Variants in FTO observed in about 807,000 individuals in gnomAD.
FTO encodes the protein FTO alpha-ketoglutarate dependent dioxygenase.
A neutral mutation model predicts 63.9 loss-of-function variants in FTO; 47 were observed. That is an observed-to-expected ratio of 0.74 (90% CI 0.58 to 0.94). The LOEUF is 0.94. Among genes scored for constraint, FTO ranks in the 40% least tolerant of loss-of-function variants. The pLI is 0.00. For synonymous variants in FTO, 207 were observed against 224.4 expected (o/e 0.92, Z 0.69); for missense variants, 562 against 618.1 (o/e 0.91, Z 0.96).
chr16:53,788,160 A>G (rs556829626), intron 1 of FTO, among the ~76,000 whole-genome samples: 2 of 152,338 alleles, frequency 1.3e-5, no homozygotes, highest in South Asian at 2.1e-4. Context: ...TCCTGAGTTT[A>G]GGAAATTATA....
In FTO at chr16:53,934,019, G is replaced by A; in HGVS notation, c.1274G>A (p.Gly425Glu). 1.9e-6 allele frequency: 3 copies of A among 1,613,904 alleles called. No individual in the cohort carries two copies. The highest frequency in any genetic ancestry group is 1.3e-5 in the African/African-American group (1 of 74,988). Residue 425 changes from glycine to glutamate, a missense_variant, in exon 8 of 9, where the codon GGG becomes GAG. By Grantham distance (98) the Gly-to-Glu change is moderately conservative. Transcript: ENST00000471389. ...GTGCTTCATGAAGTTAAAAGAGAGG[G>A]GCTCCCCGTGGAACAAAGGAATGAA... ...NAVLHEVKREGLPVEQRNEIL... is the reference protein window; with the variant it reads ...NAVLHEVKREELPVEQRNEIL...
chr16:53,936,482 A>G (rs781349118), intron 8 of FTO, among the ~76,000 whole-genome samples: 4 of 152,144 alleles, frequency 2.6e-5, no homozygotes, highest in Non-Finnish European at 5.9e-5. Context: ...TTTCCTCATC[A>G]AAGTGTCATC....
At chr16:53,866,243 T>A (rs900632225) in intron 4 of FTO, among the ~76,000 whole-genome samples, 1 of 152,202 alleles carries the variant, frequency 6.6e-6, no homozygotes. Context: ...CTGTGATAAA[T>A]CTCACTTGGT....
rs769012175 is a variant in FTO, at chr16:54,114,248, C to A, written c.*2333C>A. The A allele has an allele frequency of 6.6e-6, 1 of 152,122 alleles. No homozygotes were observed. The highest frequency in any genetic ancestry group is 2.1e-4 in the South Asian group (1 of 4,820). The allele number at this position is 152,122 out of a possible 1,614,324, so 9.4% of individuals were successfully genotyped here. A position where few individuals can be genotyped will look rare whatever the true frequency, so the allele number is the denominator to read the frequency against. On this transcript the variant is annotated 3_prime_UTR_variant, in exon 9 of 9. Transcript: ENST00000471389. ...GTTTGCCATACTCCCTCTTTTTCTC[C>A]GTTTTTTCATTAATTGTGAACCTGA...
At chr16:53,737,199 G>A (rs1389610951) in intron 1 of FTO, among the ~76,000 whole-genome samples, 1 of 152,056 alleles carries the variant, frequency 6.6e-6, no homozygotes, top group Non-Finnish European at 1.5e-5. Context: ...ATTTTGCATG[G>A]TGGACACATT....
chr16:54,068,749 T>A (rs1422763043), intron 8 of FTO, among the ~76,000 whole-genome samples: 4 of 152,148 alleles, frequency 2.6e-5, no homozygotes, highest in Admixed American at 2.6e-4. Context: ...TTATTTGACC[T>A]CCCTTTGTGC....
chr16:53,973,302 CCT>C (rs2083371887), intron 8 of FTO, among the ~76,000 whole-genome samples: 1 of 152,204 alleles, frequency 6.6e-6, no homozygotes, highest in African/African-American at 2.4e-5. Context: ...CCATGTCCCA[CCT>C]CCACTGCTGG....
At chr16:53,800,849 A>ATTT (rs149519344) in intron 1 of FTO, among the ~76,000 whole-genome samples, 1 of 152,012 alleles carries the variant, frequency 6.6e-6, no homozygotes. Flanking sequence ...TTCTTTACAA[A>ATTT]TCTTTTTTTA....
intron 8 of FTO, among the ~76,000 whole-genome samples, chr16:53,982,441 T>C (rs768018847): frequency 3.9e-5 from 6 of 152,230 alleles, no homozygotes; most frequent in Non-Finnish European, 8.8e-5. Context: ...ACCTTGATGA[T>C]ATTCATGTGT....
At chr16:53,879,736 G>A (rs896371690) in intron 5 of FTO, 108 bp from the exon 6 acceptor site, 9 of 1,184,842 alleles carry the variant, frequency 7.6e-6, no homozygotes, top group Middle Eastern at 1.9e-4. Flanking sequence ...GAGCCATGGG[G>A]CAACAGGTGA....
At chr16:53,928,007 A>G (rs2082188848) in intron 7 of FTO, among the ~76,000 whole-genome samples, 1 of 152,192 alleles carries the variant, frequency 6.6e-6, no homozygotes, top group Admixed American at 6.5e-5. Flanking sequence ...AAAGTAAACA[A>G]TAATAATCAT....
chr16:53,907,398 A>G (rs1234569772), intron 7 of FTO, among the ~76,000 whole-genome samples: 4 of 152,166 alleles, frequency 2.6e-5, no homozygotes, highest in African/African-American at 9.7e-5. Context: ...GTTTGCCCTC[A>G]TGGTAGCTTG....
chr16:53,775,111 A>G (rs1158798630), intron 1 of FTO, among the ~76,000 whole-genome samples: 1 of 152,258 alleles, frequency 6.6e-6, no homozygotes, highest in East Asian at 1.9e-4. Flanking sequence ...CCTCTGCACC[A>G]TAGGAAGGCA....
chr16:53,909,296 C>G (rs1319918083), intron 7 of FTO, among the ~76,000 whole-genome samples: 1 of 152,156 alleles, frequency 6.6e-6, no homozygotes, highest in East Asian at 1.9e-4. Flanking sequence ...TTGTGCTGCT[C>G]ACATGTGTGT....
chr16:53,915,198 A>G lies in FTO; in HGVS notation c.1240-18787A>G, dbSNP rs182618376. 1.7e-4 allele frequency among the ~76,000 whole-genome samples: 26 copies of G among 152,278 alleles called. No homozygotes were observed. The East Asian group carries it at 4.6e-3, about 27-fold the overall frequency. The stretch of plus-strand genomic sequence containing the variant: ...TTACTGACCCAACCAAATTGCTTAA[A>G]AATTTTCCCTTTCTGCTGTCAGTGT... On this transcript the variant is annotated intron_variant, in intron 7 of 8. Coordinates refer to ENST00000471389, the MANE Select transcript of FTO (RefSeq NM_001080432.3).
At chr16:53,855,032 A>AT (rs150118790) in intron 4 of FTO, among the ~76,000 whole-genome samples, 44,440 of 149,438 alleles carry the variant, frequency 0.3, 7,554 homozygotes, top group East Asian at 0.61. Flanking sequence ...GTACTTTATT[A>AT]TTATTATTTT....
chr16:53,909,855 C>T (rs375397575), intron 7 of FTO, among the ~76,000 whole-genome samples: 4 of 152,166 alleles, frequency 2.6e-5, no homozygotes, highest in Admixed American at 6.5e-5. Context: ...TGAGCCACCA[C>T]GCCCAGCTGA....
intron 8 of FTO, among the ~76,000 whole-genome samples, chr16:54,017,764 C>T (rs1170391192): frequency 1.3e-5 from 2 of 152,034 alleles, no homozygotes; most frequent in African/African-American, 4.8e-5. Flanking sequence ...TGAAGAAATC[C>T]TGGTGCTAAT....
chr16:53,950,895 A>G (rs1352505480), intron 8 of FTO, among the ~76,000 whole-genome samples: 1 of 152,150 alleles, frequency 6.6e-6, no homozygotes, highest in Non-Finnish European at 1.5e-5. Flanking sequence ...GTGTTTGCAG[A>G]CTCAGGTGCG....
Sources: allele counts gnomAD v4.1 joint callset (sites outside exome capture counted in the v4.1 genomes callset), GRCh38; gene constraint gnomAD v4.1.1; transcripts MANE v1.5; gene names NCBI Gene and HGNC (gene_info 2026-07-23, HGNC 2026-07-21).